RAB6A: variants seen among roughly 807,000 people sequenced by gnomAD.
The protein encoded by RAB6A is RAB6A, member RAS oncogene family, also known as ras-related protein Rab-6A.
In RAB6A, 8 loss-of-function variants were observed where a neutral mutation model predicts 32.3. That is an observed-to-expected ratio of 0.25 (90% CI 0.15 to 0.45). The LOEUF is 0.45. Ranked by LOEUF, RAB6A falls within the 20% of genes least tolerant of loss-of-function variation. The pLI is 1.00. For synonymous variants in RAB6A, 73 were observed against 82.1 expected (o/e 0.89, Z 0.60); for missense variants, 104 against 249.4 (o/e 0.42, Z 3.93).
chr11:73,745,111 T>A (rs542221496), intron 1 of RAB6A, among the ~76,000 whole-genome samples: 7 of 152,288 alleles, frequency 4.6e-5, no homozygotes, highest in African/African-American at 1.4e-4. Flanking sequence ...TCTTTTCTTA[T>A]GGGAAAAAAT....
intron 6 of RAB6A, among the ~76,000 whole-genome samples, chr11:73,693,288 C>CA (rs1192755009): frequency 1.4e-5 from 2 of 141,136 alleles, no homozygotes; most frequent in African/African-American, 5.5e-5. Context: ...ACTCCGTCTC[C>CA]AAAAAATAAA....
intron 6 of RAB6A, among the ~76,000 whole-genome samples, chr11:73,703,021 T>C (rs1408614876): frequency 6.6e-6 from 1 of 151,928 alleles, no homozygotes; most frequent in Non-Finnish European, 1.5e-5. Context: ...CACATCCAGC[T>C]AATTTTTTAA....
Position 73,725,050 on chromosome 11 carries a change from G to A in RAB6A, c.130-4151C>T, listed in dbSNP as rs147387655. Among the ~76,000 whole-genome samples, 761 of 152,324 alleles carry A rather than the reference G, an allele frequency of 5.0e-3. 8 individuals are homozygous for A. The highest frequency in any genetic ancestry group is 0.017 in the African/African-American group (694 of 41,566). ...ACAGTTAGGGATTGGCTTTTGATAG[G>A]AGGAGGGCATTTACTGCAGTATACT... On this transcript the variant is annotated intron_variant, in intron 2 of 7. Transcript: ENST00000336083.
chr11:73,704,336 T>G, intron 6 of RAB6A: 1 of 230,746 alleles, frequency 4.3e-6, no homozygotes, highest in Non-Finnish European at 9.3e-6. Context: ...TGAGCTGTGA[T>G]CATGCCACTG....
intron 1 of RAB6A, among the ~76,000 whole-genome samples, chr11:73,758,418 G>A (rs1946793650): frequency 6.6e-6 from 1 of 152,110 alleles, no homozygotes; most frequent in African/African-American, 2.4e-5. Context: ...GGGGAAACTA[G>A]ATGTGTGGGT....
intron 1 of RAB6A, among the ~76,000 whole-genome samples, chr11:73,744,742 C>T (rs542665045): frequency 6.6e-6 from 1 of 151,976 alleles, no homozygotes; most frequent in Admixed American, 6.6e-5. Context: ...TTTGGGAGGC[C>T]GAGGCGGGCA....
At chr11:73,714,660 T>C (rs1946025936) in intron 5 of RAB6A, among the ~76,000 whole-genome samples, 1 of 150,152 alleles carries the variant, frequency 6.7e-6, no homozygotes, top group African/African-American at 2.5e-5. Flanking sequence ...AGACTCCAAC[T>C]CAAAAATAAA....
intron 6 of RAB6A, among the ~76,000 whole-genome samples, chr11:73,696,569 T>C (rs962190256): frequency 6.6e-6 from 1 of 152,138 alleles, no homozygotes; most frequent in Non-Finnish European, 1.5e-5. Context: ...TTATTACTTG[T>C]ATTTAGTTTT....
chr11:73,754,134 C>T (rs555035139), intron 1 of RAB6A, among the ~76,000 whole-genome samples: 31 of 152,286 alleles, frequency 2.0e-4, no homozygotes, highest in African/African-American at 7.0e-4. Context: ...AGGTCAGTAG[C>T]CACTGCTAAA....
chr11:73,710,355 A>T (rs1309429619), intron 5 of RAB6A, among the ~76,000 whole-genome samples: 1 of 152,138 alleles, frequency 6.6e-6, no homozygotes, highest in Non-Finnish European at 1.5e-5. Flanking sequence ...TCAATCATTA[A>T]GCAAAGTATT....
chr11:73,690,716 A>T (rs996380611), intron 6 of RAB6A, among the ~76,000 whole-genome samples: 40 of 150,534 alleles, frequency 2.7e-4, no homozygotes, highest in Non-Finnish European at 3.6e-4. Flanking sequence ...AAAAAAAAAA[A>T]ACCCAAACAA....
At chr11:73,716,447 G>A (rs1946054519) in intron 4 of RAB6A, 85 bp from the exon 5 acceptor site, 2 of 878,826 alleles carry the variant, frequency 2.3e-6, no homozygotes, top group South Asian at 3.1e-5. Flanking sequence ...AAAAAGCCCT[G>A]GAAGTTGGAA....
intron 1 of RAB6A, among the ~76,000 whole-genome samples, chr11:73,757,120 T>TAC (rs1946767033): frequency 7.8e-5 from 4 of 51,406 alleles, no homozygotes; most frequent in African/African-American, 2.7e-4. Context: ...TATATATATA[T>TAC]ATATATATAT....
At chr11:73,689,391 T>C (rs1371264000) in intron 6 of RAB6A, among the ~76,000 whole-genome samples, 1 of 152,198 alleles carries the variant, frequency 6.6e-6, no homozygotes, top group Non-Finnish European at 1.5e-5. Flanking sequence ...TTGCCATTGA[T>C]CTGACAGGAG....
At chr11:73,760,032 T>C (rs1337177705) in intron 1 of RAB6A, 9 of 1,289,156 alleles carry the variant, frequency 7.0e-6, no homozygotes, top group South Asian at 1.2e-5. Context: ...TTTTTTCTAC[T>C]ACCACCCCTT....
intron 2 of RAB6A, among the ~76,000 whole-genome samples, chr11:73,724,748 A>G (rs1412228949): frequency 6.6e-6 from 1 of 152,184 alleles, no homozygotes; most frequent in Non-Finnish European, 1.5e-5. Flanking sequence ...GGCCTCCCGA[A>G]GTGCTGGGAT....
chr11:73,712,782 C>T (rs1390720104), intron 5 of RAB6A, among the ~76,000 whole-genome samples: 4 of 149,956 alleles, frequency 2.7e-5, no homozygotes, highest in African/African-American at 7.4e-5. Flanking sequence ...TGCAGTGACA[C>T]GATCTCAGAT....
In RAB6A at chr11:73,709,291, A is replaced by G. The variant is rs973637353; in HGVS notation, c.402-1778T>C. Reference sequence around the variant, plus strand: ...TAGCAAATTAAATACTTCTTTAGAAAGAAACTTTCTCAATTATTTGGTTAT... The same window carrying G: ...TAGCAAATTAAATACTTCTTTAGAAGGAAACTTTCTCAATTATTTGGTTAT... On this transcript the variant is annotated intron_variant, in intron 5 of 7. Transcript: ENST00000336083. Among the ~76,000 whole-genome samples the G allele has an allele frequency of 3.9e-5, 6 of 152,088 alleles. No individual in the cohort carries two copies. The East Asian group carries it at 9.6e-4, about 24-fold the overall frequency.
chr11:73,716,744 G>C (rs1271899494), intron 4 of RAB6A, among the ~76,000 whole-genome samples: 3 of 152,090 alleles, frequency 2.0e-5, no homozygotes, highest in African/African-American at 4.8e-5. Flanking sequence ...GACAAAGAAA[G>C]CATTTTCCAA....
Sources: allele counts gnomAD v4.1 joint callset (sites outside exome capture counted in the v4.1 genomes callset), GRCh38; gene constraint gnomAD v4.1.1; transcripts MANE v1.5; gene names NCBI Gene and HGNC (gene_info 2026-07-23, HGNC 2026-07-21).